The following KCNMB2 variants were observed in gnomAD, a reference collection of about 807,000 sequenced individuals.
The protein encoded by KCNMB2 is potassium calcium-activated channel subfamily M regulatory beta subunit 2, also known as calcium-activated potassium channel subunit beta-2.
KCNMB2 carries 9 observed loss-of-function variants against 24.5 expected under a neutral mutation model. The ratio of observed to expected loss-of-function variants is 0.37; its 90% confidence interval spans 0.22 to 0.64. KCNMB2 has a LOEUF of 0.64. Ranked by LOEUF, KCNMB2 falls within the 30% of genes least tolerant of loss-of-function variation. The probability of loss-of-function intolerance (pLI) is 0.63; values close to 1 mark genes in which losing one functional copy is unlikely to be tolerated. For missense variants in KCNMB2, 226 were observed against 284.3 expected (o/e 0.79, Z 1.47); for synonymous variants, 109 against 104.4 (o/e 1.04, Z -0.27).
At chr3:178,593,583 T>C (rs1435453344) in intron 1 of KCNMB2, among the ~76,000 whole-genome samples, 1 of 152,032 alleles carries the variant, frequency 6.6e-6, no homozygotes, top group Non-Finnish European at 1.5e-5. Context: ...CAAAGTTTTA[T>C]TCTATTGATT....
intron 1 of KCNMB2, among the ~76,000 whole-genome samples, chr3:178,554,694 A>G (rs1271495149): frequency 3.9e-5 from 6 of 152,224 alleles, no homozygotes; most frequent in Non-Finnish European, 8.8e-5. Flanking sequence ...CATTATTTCT[A>G]TGAAATAAGT....
intron 1 of KCNMB2, among the ~76,000 whole-genome samples, chr3:178,556,884 A>C (rs1716143390): frequency 6.6e-6 from 1 of 152,218 alleles, no homozygotes; most frequent in African/African-American, 2.4e-5. Flanking sequence ...AGGTGACTGC[A>C]TAGAAAGCTG....
At chr3:178,825,870 T>G in intron 3 of KCNMB2, 112 bp downstream of exon 3, 1 of 743,490 alleles carries the variant, frequency 1.3e-6, no homozygotes, top group South Asian at 2.1e-5. Context: ...ATAAGAACTT[T>G]GAGAAGTTCC....
At chr3:178,730,408 C>T (rs981139699) in intron 1 of KCNMB2, among the ~76,000 whole-genome samples, 1 of 135,988 alleles carries the variant, frequency 7.4e-6, no homozygotes, top group African/African-American at 2.9e-5. Context: ...CCCCAACACC[C>T]CCCCACACAC....
chr3:178,550,175 G>T (rs1241613305), intron 1 of KCNMB2, among the ~76,000 whole-genome samples: 1 of 151,966 alleles, frequency 6.6e-6, no homozygotes, highest in Non-Finnish European at 1.5e-5. Flanking sequence ...GCCCGGCCAG[G>T]CACAGTGGCT....
At chr3:178,561,510 G>A (rs773526049) in intron 1 of KCNMB2, among the ~76,000 whole-genome samples, 3 of 152,112 alleles carry the variant, frequency 2.0e-5, no homozygotes, top group South Asian at 2.1e-4. Flanking sequence ...ACCTTTTCAC[G>A]CCTAAATCTC....
chr3:178,566,139 G>A (rs1211625897), intron 1 of KCNMB2, among the ~76,000 whole-genome samples: 1 of 152,118 alleles, frequency 6.6e-6, no homozygotes, highest in Non-Finnish European at 1.5e-5. Flanking sequence ...AAACGTCTAA[G>A]TAATAACACT....
intron 1 of KCNMB2, among the ~76,000 whole-genome samples, chr3:178,673,555 A>G (rs941198861): frequency 6.6e-6 from 1 of 151,808 alleles, no homozygotes; most frequent in Non-Finnish European, 1.5e-5. Flanking sequence ...CCCTCCTCTT[A>G]CTATAGATGA....
chr3:178,701,350 G>C (rs564485631), intron 1 of KCNMB2, among the ~76,000 whole-genome samples: 1 of 152,258 alleles, frequency 6.6e-6, no homozygotes, highest in Non-Finnish European at 1.5e-5. Flanking sequence ...TGCTGTTTTG[G>C]TTACTGTAGC....
chr3:178,738,511 T>C (rs1723389518), intron 1 of KCNMB2, among the ~76,000 whole-genome samples: 1 of 152,210 alleles, frequency 6.6e-6, no homozygotes, highest in African/African-American at 2.4e-5. Flanking sequence ...CAACTCTTCC[T>C]CATTATTCAA....
At chr3:178,664,436 C>T (rs1473646209) in intron 1 of KCNMB2, among the ~76,000 whole-genome samples, 1 of 152,020 alleles carries the variant, frequency 6.6e-6, no homozygotes, top group Non-Finnish European at 1.5e-5. Context: ...TAAAGTCAAA[C>T]AACCTGGGCA....
chr3:178,722,808 G>A (rs1229186096), intron 1 of KCNMB2, among the ~76,000 whole-genome samples: 1 of 152,142 alleles, frequency 6.6e-6, no homozygotes, highest in Non-Finnish European at 1.5e-5. Context: ...TGGGAGGATG[G>A]GTTGAGCCCT....
At chr3:178,805,351 C>T (rs1713924180) in intron 1 of KCNMB2, among the ~76,000 whole-genome samples, 2 of 152,148 alleles carry the variant, frequency 1.3e-5, no homozygotes, top group African/African-American at 4.8e-5. Flanking sequence ...AAAATATTGG[C>T]GCTGAGAGGA....
chr3:178,748,479 G>A (rs1723741513), intron 1 of KCNMB2: 1 of 152,068 alleles, frequency 6.6e-6, no homozygotes, highest in Non-Finnish European at 1.5e-5. Context: ...GAATCTCCCA[G>A]AATAATCTGT....
intron 1 of KCNMB2, among the ~76,000 whole-genome samples, chr3:178,567,319 A>G (rs1577015180): frequency 6.6e-6 from 1 of 152,178 alleles, no homozygotes; most frequent in East Asian, 1.9e-4. Context: ...TACCTGAGAC[A>G]TAGAAAACAG....
At chr3:178,739,596 G>C (rs1723428418) in intron 1 of KCNMB2, among the ~76,000 whole-genome samples, 1 of 152,150 alleles carries the variant, frequency 6.6e-6, no homozygotes, top group South Asian at 2.1e-4. Context: ...ATTCAAGAGT[G>C]ATTGTTGAAT....
In KCNMB2 at chr3:178,794,666, C is replaced by T. The variant is rs556877895; in HGVS notation, c.-67-12677C>T. ...AGCTCAGAAGCAGTGAGCACTAAGA[C>T]GACTCAGCCTTCATGGAGAAGTGGC... On this transcript the variant is annotated intron_variant, in intron 1 of 4. Transcript: ENST00000452583. 3.9e-5 allele frequency among the ~76,000 whole-genome samples: 6 copies of T among 152,292 alleles called. No individual in the cohort carries two copies. The East Asian group carries it at 9.6e-4, about 24-fold the overall frequency.
At chr3:178,758,414 ATATC>A (rs1560007172) in intron 1 of KCNMB2, among the ~76,000 whole-genome samples, 1 of 41,064 alleles carries the variant, frequency 2.4e-5, no homozygotes, top group Non-Finnish European at 4.4e-5. Context: ...ATATATATAT[ATATC>A]CAAGAGGGGA....
intron 1 of KCNMB2, among the ~76,000 whole-genome samples, chr3:178,592,890 C>A (rs1179303928): frequency 6.6e-6 from 1 of 152,016 alleles, no homozygotes; most frequent in African/African-American, 2.4e-5. Flanking sequence ...AAGTCGTTTT[C>A]TTTTTTCGTG....
Sources: gnomAD v4.1 joint callset for allele counts (sites outside exome capture counted in the v4.1 genomes callset) on GRCh38, gnomAD v4.1.1 for gene constraint, MANE v1.5 for transcripts, NCBI Gene and HGNC (gene_info 2026-07-23, HGNC 2026-07-21) for gene names.